Variants in PACRG observed in about 807,000 individuals in gnomAD.
The protein encoded by PACRG is parkin coregulated gene protein.
In PACRG, 29 loss-of-function variants were observed where a neutral mutation model predicts 29.7. The observed-to-expected ratio is 0.98, with a 90% CI of 0.73 to 1.33. The LOEUF is 1.33. Ranked by LOEUF, PACRG falls within the 40% of genes most tolerant of loss-of-function variation. The pLI is 0.00. For missense variants in PACRG, 279 were observed against 316.2 expected (o/e 0.88, Z 0.89); for synonymous variants, 116 against 118.7 (o/e 0.98, Z 0.15).
Position 163,278,746 on chromosome 6 carries a change from A to G in PACRG, c.614-36081A>G, listed in dbSNP as rs114197132. Among the ~76,000 whole-genome samples the G allele has an allele frequency of 4.5e-3, 692 of 152,306 alleles. 6 individuals carry two copies. The highest frequency in any genetic ancestry group is 0.016 in the African/African-American group (665 of 41,556). On this transcript the variant is annotated intron_variant, in intron 4 of 4. Transcript: ENST00000366888. ...GTTTTGGTAACTATGGCCTTACATT[A>G]CAGTTTGAAGTCAGGTAATGTGATG...
intron 1 of PACRG, among the ~76,000 whole-genome samples, chr6:162,787,572 GTGTGTGTGTGTA>G (rs1479289321): frequency 1.4e-3 from 81 of 58,478 alleles, no homozygotes; most frequent in African/African-American, 5.7e-3. Flanking sequence ...GTGTGTGTGT[GTGTGTGTGTGTA>G]TATATATATA....
At chr6:163,064,251 C>T (rs1811343079) in intron 3 of PACRG, among the ~76,000 whole-genome samples, 1 of 152,004 alleles carries the variant, frequency 6.6e-6, no homozygotes, top group Admixed American at 6.6e-5. Context: ...TTTTGCAGGC[C>T]AAGGTAAAGT....
chr6:162,729,238 A>T (rs1284806488), intron 1 of PACRG, among the ~76,000 whole-genome samples: 5 of 152,236 alleles, frequency 3.3e-5, no homozygotes, highest in Admixed American at 6.5e-5. Flanking sequence ...GGAATGAGGC[A>T]TTAAATAATA....
In PACRG at chr6:162,796,638, C is replaced by T. The variant is rs547970114; in HGVS notation, c.157-17509C>T. Among the ~76,000 whole-genome samples the T allele has an allele frequency of 9.9e-5, 15 of 151,494 alleles. No homozygotes were observed. In the East Asian group the frequency reaches 2.7e-3, roughly 27 times the overall value. ...TAATATCATATTTCATAGTGCTTAC[C>T]TTTGTCTGGTTAAATATAGTTCCAT... On this transcript the variant is annotated intron_variant, in intron 1 of 4. Transcript: ENST00000366888.
intron 4 of PACRG, among the ~76,000 whole-genome samples, chr6:163,186,097 C>T (rs1779912475): frequency 6.6e-6 from 1 of 152,170 alleles, no homozygotes; most frequent in Non-Finnish European, 1.5e-5. Context: ...TTGCAGGCAC[C>T]CTCTGAGACG....
At chr6:162,809,904 T>A (rs1325787354) in intron 1 of PACRG, among the ~76,000 whole-genome samples, 2 of 152,214 alleles carry the variant, frequency 1.3e-5, no homozygotes, top group Admixed American at 6.5e-5. Flanking sequence ...GGCCCCAACA[T>A]CTGCAGTGCC....
chr6:163,065,113 C>G (rs180854549), intron 3 of PACRG, among the ~76,000 whole-genome samples: 1 of 152,152 alleles, frequency 6.6e-6, no homozygotes, highest in Non-Finnish European at 1.5e-5. Flanking sequence ...CCGTGGGTCT[C>G]GGACACCTAT....
intron 4 of PACRG, among the ~76,000 whole-genome samples, chr6:163,214,381 T>A (rs73784535): frequency 0.039 from 5,860 of 152,200 alleles, 389 homozygotes; most frequent in African/African-American, 0.13. Context: ...TTCCTTCTCA[T>A]AAGAAATCTA....
At chr6:163,136,358 CT>C (rs1167273055) in intron 4 of PACRG, among the ~76,000 whole-genome samples, 1 of 152,114 alleles carries the variant, frequency 6.6e-6, no homozygotes, top group Non-Finnish European at 1.5e-5. Context: ...GTTCTTAAAC[CT>C]TTGTGTTTCT....
rs1021620386 is a variant in PACRG, at chr6:162,814,263, A to G, written c.273A>G (p.Gly91=). ...TTGCCCTTGAGCATGATTCGAAAGG[A>G]AACAAAATCGCCTGGAAGGTAAGTC... ...FPIALEHDSK[G]NKIAWKVEIE... is the part of the protein sequence containing the mutation. Residue 91 remains glycine (G), a synonymous_variant, in exon 2 of 5, where the codon GGA becomes GGG. Coordinates refer to ENST00000366888, the MANE Select transcript of PACRG (RefSeq NM_001080379.2). 18 of 1,613,514 alleles carry G rather than the reference A, an allele frequency of 1.1e-5. No individual in the cohort carries two copies. Among genetic ancestry groups the G allele is most frequent in the Non-Finnish European group, 1.2e-5 (14 of 1,179,682 alleles).
At chr6:163,100,578 G>A (rs1815020406) in intron 4 of PACRG, among the ~76,000 whole-genome samples, 1 of 152,188 alleles carries the variant, frequency 6.6e-6, no homozygotes, top group African/African-American at 2.4e-5. Flanking sequence ...TCTGCTGGCG[G>A]TGGCCCCCAC....
intron 2 of PACRG, among the ~76,000 whole-genome samples, chr6:162,893,750 C>T (rs1794962779): frequency 6.6e-6 from 1 of 152,196 alleles, no homozygotes; most frequent in Admixed American, 6.5e-5. Flanking sequence ...CCGTGCTTAC[C>T]CTCACCCTGT....
chr6:163,002,217 G>A (rs960151409), intron 2 of PACRG, among the ~76,000 whole-genome samples: 1 of 152,188 alleles, frequency 6.6e-6, no homozygotes, highest in Non-Finnish European at 1.5e-5. Flanking sequence ...TGACAGCAAA[G>A]TAATACTGGT....
chr6:162,916,829 G>A (rs143227739), intron 2 of PACRG, among the ~76,000 whole-genome samples: 4 of 151,848 alleles, frequency 2.6e-5, no homozygotes, highest in Admixed American at 1.3e-4. Context: ...GTCAAGAGAC[G>A]CAATGATGAA....
intron 2 of PACRG, among the ~76,000 whole-genome samples, chr6:162,926,848 T>G (rs1425569298): frequency 6.6e-6 from 1 of 151,772 alleles, no homozygotes; most frequent in African/African-American, 2.4e-5. Context: ...CAAAGGAAAC[T>G]GTCATCAGAG....
rs574479036 is a variant in PACRG, at chr6:163,094,073, T to C, written c.613+4665T>C. Among the ~76,000 whole-genome samples, 4 of 152,356 alleles carry C rather than the reference T, an allele frequency of 2.6e-5. No individual in the cohort carries two copies. The East Asian group carries it at 7.7e-4, about 29-fold the overall frequency. The stretch of plus-strand genomic sequence containing the variant: ...CCCTCCTTGATAACCCTCCTTGATA[T>C]TCGTGTGAATTCTCTGGGACCAATT... On this transcript the variant is annotated intron_variant, in intron 4 of 4. Coordinates refer to ENST00000366888, the MANE Select transcript of PACRG (RefSeq NM_001080379.2).
At chr6:163,159,870 C>G (rs1778482610) in intron 4 of PACRG, among the ~76,000 whole-genome samples, 1 of 152,122 alleles carries the variant, frequency 6.6e-6, no homozygotes. Context: ...CTTCGGTGGC[C>G]CCGATCCTCA....
intron 2 of PACRG, among the ~76,000 whole-genome samples, chr6:163,054,329 A>G (rs1017262598): frequency 1.2e-4 from 18 of 152,276 alleles, no homozygotes; most frequent in African/African-American, 4.1e-4. Context: ...GGGCCCTGTG[A>G]GGACATTTTG....
chr6:163,196,960 TA>T (rs1562959106), intron 4 of PACRG, among the ~76,000 whole-genome samples: 18 of 149,262 alleles, frequency 1.2e-4, no homozygotes. Context: ...GATAGATAGA[TA>T]GATAGATAGA....
Sources: gnomAD v4.1 joint callset for allele counts (sites outside exome capture counted in the v4.1 genomes callset) on GRCh38, gnomAD v4.1.1 for gene constraint, MANE v1.5 for transcripts, NCBI Gene and HGNC (gene_info 2026-07-23, HGNC 2026-07-21) for gene names.